TREM1: variants seen among roughly 807,000 people sequenced by gnomAD.
The protein encoded by TREM1 is triggering receptor expressed on myeloid cells 1, also known as triggering receptor expressed on monocytes 1.
TREM1 carries 16 observed loss-of-function variants against 22.4 expected under a neutral mutation model. The ratio of observed to expected loss-of-function variants is 0.71; its 90% CI spans 0.48 to 1.08. TREM1 has a LOEUF of 1.08. Ranked by LOEUF, TREM1 falls within the 50% of genes least tolerant of loss-of-function variation. The pLI is 0.00. For missense variants in TREM1, 283 were observed against 282.9 expected (o/e 1.00, Z 0.00); for synonymous variants, 110 against 111.6 (o/e 0.99, Z 0.09).
rs186097946 is a variant in TREM1 at position 41,273,789 on chromosome 6, G to A, written c.*2336C>T. ...GAGCTGTTTGCTGAGAGGCTTGAAG[G>A]AGCCTTCAGAGGGGAATGCAGCCAC... On this transcript the variant is annotated 3_prime_UTR_variant, in exon 4 of 4. Coordinates refer to ENST00000244709, the MANE Select transcript of TREM1 (RefSeq NM_018643.5). Among the ~76,000 whole-genome samples, 501 of 152,302 alleles carry A rather than the reference G, an allele frequency of 3.3e-3. 12 individuals carry two copies. Among genetic ancestry groups the A allele is most frequent in the Admixed American group, 0.029 (445 of 15,308 alleles).
At chr6:41,276,896 A>C (rs1227516625) in intron 3 of TREM1, among the ~76,000 whole-genome samples, 1 of 152,110 alleles carries the variant, frequency 6.6e-6, no homozygotes, top group Admixed American at 6.5e-5. Flanking sequence ...GGTCCAGTGG[A>C]TAAGCCGGAC....
At position 41,286,629 on chromosome 6, in the gene TREM1, C is replaced by A. The variant is rs1035633280; in HGVS notation, c.27G>T (p.Leu9=). 1.2e-6 allele frequency: 2 copies of A among 1,614,092 alleles called. No homozygotes were observed. The highest frequency in any genetic ancestry group is 1.7e-6 in the Non-Finnish European group (2 of 1,179,990). ...TACCTGAGACAAAGAGCATCCACAG[C>A]AGCCCCCAGAGCCTGGTCTTCCTCA... MRKTRLWG[L]LWMLFVSELR... The change falls in exon 1 of 4, where the codon CTG becomes CTT. Residue 9 remains leucine (L), a synonymous_variant. Coordinates refer to ENST00000244709, the MANE Select transcript of TREM1 (RefSeq NM_018643.5).
chr6:41,270,446 A>ATATAT (rs1325572554), downstream of TREM1, among the ~76,000 whole-genome samples: 6 of 144,006 alleles, frequency 4.2e-5, no homozygotes, highest in African/African-American at 1.7e-4. Context: ...GATATTATAT[A>ATATAT]ATATATATAT....
At chr6:41,272,387 A>T (rs557890553), downstream of TREM1, among the ~76,000 whole-genome samples, 142 of 152,254 alleles carry the variant, frequency 9.3e-4, 2 homozygotes, top group Middle Eastern at 0.017. Flanking sequence ...TCCCTGTGAA[A>T]TGGTGCTGCG....
At position 41,275,935 on chromosome 6, in the gene TREM1, C is replaced by T. The variant is rs910576339; in HGVS notation, c.*190G>A. Reference sequence around the variant, plus strand: ...AACTTCTTTTCTGAGGCACAAATGCCCACCCAAGATTATTAGAGGAACGAG... The same window carrying T: ...AACTTCTTTTCTGAGGCACAAATGCTCACCCAAGATTATTAGAGGAACGAG... On this transcript the variant is annotated 3_prime_UTR_variant, in exon 4 of 4. Coordinates refer to ENST00000244709, the MANE Select transcript of TREM1 (RefSeq NM_018643.5). 7 of 587,228 alleles carry T rather than the reference C, an allele frequency of 1.2e-5. No homozygotes were observed. Among genetic ancestry groups the T allele is most frequent in the East Asian group, 5.7e-5 (2 of 35,248 alleles). 36.4% of individuals were successfully genotyped at this position (587,228 alleles called of 1,614,324 possible). A position where few individuals can be genotyped will look rare whatever the true frequency, so the allele number is the denominator to read the frequency against.
rs12201045 is a variant in TREM1 at position 41,275,843 on chromosome 6, G to A, written c.*282C>T. On this transcript the variant is annotated 3_prime_UTR_variant, in exon 4 of 4. Transcript: ENST00000244709. ...AGAGAATTACGGTGAAAAGCATTGAGCTGTCTGTATTTCATGCCAACCCCA... is the reference window on the plus strand; with the variant it reads ...AGAGAATTACGGTGAAAAGCATTGAACTGTCTGTATTTCATGCCAACCCCA... 0.44 allele frequency: 208,090 copies of A among 468,480 alleles called. 48,058 individuals are homozygous for A. Among genetic ancestry groups the A allele is most frequent in the Middle Eastern group, 0.52 (854 of 1,656 alleles). 29.0% of individuals were successfully genotyped at this position (468,480 alleles called of 1,614,324 possible). A position where few individuals can be genotyped will look rare whatever the true frequency, so the allele number is the denominator to read the frequency against.
intron 3 of TREM1, among the ~76,000 whole-genome samples, chr6:41,278,726 CA>C (rs1266355163): frequency 5.9e-5 from 9 of 151,960 alleles, no homozygotes; most frequent in Admixed American, 5.9e-4. Flanking sequence ...TTCCACTTTC[CA>C]GACTGGATTT....
intron 3 of TREM1, chr6:41,280,165 G>T (rs1767846229): frequency 1.1e-6 from 1 of 949,732 alleles, no homozygotes; most frequent in Middle Eastern, 5.4e-4. Context: ...GAGAATATGA[G>T]AAAAAAGACA....
Position 41,281,010 on chromosome 6 carries a change from A to C in TREM1, c.550T>G (p.Ser184Ala), listed in dbSNP as rs764122140. 11 of 1,614,226 alleles carry C rather than the reference A, an allele frequency of 6.8e-6. No individual in the cohort carries two copies. The South Asian group carries it at 1.1e-4, about 16-fold the overall frequency. ...QAPPKSTADV[S>A]TPDSEINLTN... is the part of the protein sequence containing the mutation. Reference sequence around the variant, plus strand: ...AGGTTGATTTCAGAGTCAGGAGTGGAGACATCGGCAGTTGACTTGGGTGGA... The same window carrying C: ...AGGTTGATTTCAGAGTCAGGAGTGGCGACATCGGCAGTTGACTTGGGTGGA... The change falls in exon 3 of 4, where the codon TCC (serine) becomes GCC (alanine). Residue 184 changes from serine (S) to alanine (A), a missense_variant. By Grantham distance (99) the Ser-to-Ala change is moderately conservative. Coordinates refer to ENST00000244709, the MANE Select transcript of TREM1 (RefSeq NM_018643.5).
chr6:41,280,366 T>G, intron 3 of TREM1: 1 of 987,836 alleles, frequency 1.0e-6, no homozygotes, highest in Non-Finnish European at 1.2e-6. Context: ...GAGAGGGACC[T>G]CATCTGCAAA....
rs866106995 is a variant in TREM1, at chr6:41,276,011, C to G, written c.*114G>C. 1.2e-5 allele frequency: 9 copies of G among 759,184 alleles called. 1 individual carries two copies. Among genetic ancestry groups the G allele is most frequent in the Middle Eastern group, 5.0e-4 (2 of 4,038 alleles). The allele number at this position is 759,184 out of a possible 1,614,324, so 47.0% of individuals were successfully genotyped here. On this transcript the variant is annotated 3_prime_UTR_variant, in exon 4 of 4. Transcript: ENST00000244709. ...TGACTTTAGAAATAGCCGGTGATTA[C>G]AGATTTAATTCATGTTATTAACTCC...
chr6:41,267,746 T>TA (rs1407776523), downstream of TREM1, among the ~76,000 whole-genome samples: 1 of 152,044 alleles, frequency 6.6e-6, no homozygotes, highest in Non-Finnish European at 1.5e-5. Context: ...AAATACACAT[T>TA]AAGAAAACAC....
downstream of TREM1, among the ~76,000 whole-genome samples, chr6:41,267,696 C>T (rs1280871617): frequency 6.6e-6 from 1 of 151,952 alleles, no homozygotes; most frequent in Non-Finnish European, 1.5e-5. Context: ...AGTTCAAGAC[C>T]AGCCTGGGTA....
At chr6:41,269,356 A>G (rs907690391), downstream of TREM1, among the ~76,000 whole-genome samples, 2 of 152,206 alleles carry the variant, frequency 1.3e-5, no homozygotes, top group African/African-American at 4.8e-5. Context: ...GAAGAGGAAC[A>G]GCTTTTCATT....
rs768741542 is a variant in TREM1 at position 41,282,769 on chromosome 6, G to A, written c.50-18C>T. 6.3e-7 allele frequency: 1 copy of A among 1,591,600 alleles called. No individual in the cohort carries two copies. The highest frequency in any genetic ancestry group is 1.1e-5 in the South Asian group (1 of 89,050). Reference sequence around the variant, plus strand: ...TCGGAGTTCTATAAGCAGGGAAAGAGAATGGGTTCTGTGAGGAATTATTTT... The same window carrying A: ...TCGGAGTTCTATAAGCAGGGAAAGAAAATGGGTTCTGTGAGGAATTATTTT... On this transcript the variant is annotated intron_variant, in intron 1 of 3. Transcript: ENST00000244709.
Position 41,276,217 on chromosome 6 carries a change from T to TG in TREM1, c.612dup (p.Asn205GlnfsTer13). 1 of 1,614,078 alleles carries TG rather than the reference T, an allele frequency of 6.2e-7. No homozygotes were observed. Among genetic ancestry groups the TG allele is most frequent in the Non-Finnish European group, 8.5e-7 (1 of 1,179,962 alleles). On this transcript the variant is annotated frameshift_variant, in exon 4 of 4. Transcript: ENST00000244709. LOFTEE classifies it high-confidence loss of function. ...CCACCAGCCAGGAGAATGACAATGTTGAACACCGGAACCCTGCGGGAGACA... is the reference window on the plus strand; with the variant it reads ...CCACCAGCCAGGAGAATGACAATGTTGGAACACCGGAACCCTGCGGGAGACA...
At chr6:41,277,636 G>A (rs976006028) in intron 3 of TREM1, among the ~76,000 whole-genome samples, 2 of 151,996 alleles carry the variant, frequency 1.3e-5, no homozygotes, top group Non-Finnish European at 2.9e-5. Context: ...CATTTTTTTC[G>A]AGGCTGCACA....
chr6:41,286,574 G>A lies in TREM1; in HGVS notation c.49+33C>T, dbSNP rs767912810. 19 of 1,611,332 alleles carry A rather than the reference G, an allele frequency of 1.2e-5. No individual in the cohort carries two copies. In the East Asian group the frequency reaches 2.5e-4, roughly 21 times the overall value. On this transcript the variant is annotated intron_variant, in intron 1 of 3. Coordinates refer to ENST00000244709, the MANE Select transcript of TREM1 (RefSeq NM_018643.5). ...GGCTCCCCGAGATCCTGGACCAAAC[G>A]CCTCCCCTGCTCAGTCCTCTTCCTT...
Position 41,282,624 on chromosome 6 carries a change from C to T in TREM1, c.177G>A (p.Arg59=), listed in dbSNP as rs868787965. The T allele has an allele frequency of 6.2e-7, 1 of 1,614,178 alleles. No homozygotes were observed. Among genetic ancestry groups the T allele is most frequent in the Non-Finnish European group, 8.5e-7 (1 of 1,180,030 alleles). ...CCAGGGTCTTGGGCATCTCTCCGTC[C>T]CTTATTATCTGCCAAGCTTTCTGGC... is the stretch of plus-strand genomic sequence containing the variant. The part of the protein sequence containing the change: ...ASSQKAWQII[R]DGEMPKTLAC... The change falls in exon 2 of 4, where the codon AGG becomes AGA. Residue 59 remains arginine (R), a synonymous_variant. Transcript: ENST00000244709.
Sources: gnomAD v4.1 joint callset for allele counts (sites outside exome capture counted in the v4.1 genomes callset) on GRCh38, gnomAD v4.1.1 for gene constraint, MANE v1.5 for transcripts, NCBI Gene and HGNC (gene_info 2026-07-23, HGNC 2026-07-21) for gene names.